QRFPR: variants seen among roughly 807,000 people sequenced by gnomAD.
The protein encoded by QRFPR is pyroglutamylated RF-amide peptide receptor.
QRFPR carries 37 observed loss-of-function variants against 31.3 expected under a neutral mutation model. That is an observed-to-expected ratio of 1.18 (90% CI 0.91 to 1.56). The LOEUF (loss-of-function observed/expected upper bound fraction) is 1.56, where lower values mean the gene tolerates loss of function less well. QRFPR is among the 40% of genes most tolerant of loss of function. The pLI is 0.00. For missense variants in QRFPR, 542 were observed against 532.5 expected (o/e 1.02, Z -0.18); for synonymous variants, 197 against 192.0 (o/e 1.03, Z -0.22).
chr4:121,330,576 C>T (rs1725303532), intron 4 of QRFPR, 53 bp from the exon 5 acceptor site: 5 of 1,321,776 alleles, frequency 3.8e-6, no homozygotes, highest in Non-Finnish European at 5.5e-6. Flanking sequence ...GCAAATGTGC[C>T]AGCTTGATAG....
chr4:121,358,087 C>G (rs1199200392), intron 1 of QRFPR, among the ~76,000 whole-genome samples: 1 of 152,046 alleles, frequency 6.6e-6, no homozygotes, highest in Non-Finnish European at 1.5e-5. Flanking sequence ...GTATTCAAAG[C>G]AATTCTTTTT....
intron 1 of QRFPR, chr4:121,369,754 T>A: frequency 6.2e-7 from 1 of 1,601,556 alleles, no homozygotes; most frequent in Non-Finnish European, 8.5e-7. Flanking sequence ...CAGGTAAGGC[T>A]GTGGAAGAAC....
intron 1 of QRFPR, among the ~76,000 whole-genome samples, chr4:121,353,988 T>G (rs890294097): frequency 6.6e-6 from 1 of 152,146 alleles, no homozygotes; most frequent in Non-Finnish European, 1.5e-5. Context: ...GTATATGTTC[T>G]TGGTACCTTT....
At chr4:121,336,906 T>A (rs770754157) in intron 2 of QRFPR, 38 bp from the exon 3 acceptor site, 1 of 1,549,540 alleles carries the variant, frequency 6.5e-7, no homozygotes, top group East Asian at 2.2e-5. Flanking sequence ...ATGACTCAGT[T>A]GAGTAAAACA....
At position 121,329,043 on chromosome 4, in the gene QRFPR, C is replaced by T. The variant is rs138655937; in HGVS notation, c.*271G>A. 34 of 275,774 alleles carry T rather than the reference C, an allele frequency of 1.2e-4. No homozygotes were observed. The highest frequency in any genetic ancestry group is 1.8e-4 in the Non-Finnish European group (27 of 149,154). The allele number at this position is 275,774 out of a possible 1,614,324, so 17.1% of individuals were successfully genotyped here. ...TGCTGGGATTACAGGCATGAGCCAC[C>T]GTGCCTGGCCTTCCATGTTGCTTTT... On this transcript the variant is annotated 3_prime_UTR_variant, in exon 6 of 6. Transcript: ENST00000394427.
At chr4:121,356,890 G>A (rs1725880526) in intron 1 of QRFPR, among the ~76,000 whole-genome samples, 1 of 152,050 alleles carries the variant, frequency 6.6e-6, no homozygotes, top group South Asian at 2.1e-4. Flanking sequence ...CAGGGTCTCT[G>A]AATCCTACTG....
Position 121,333,158 on chromosome 4 carries a change from A to T in QRFPR, c.562-102T>A. The T allele has an allele frequency of 4.2e-6, 3 of 722,100 alleles. No individual in the cohort carries two copies. The South Asian group carries it at 5.8e-5, about 14-fold the overall frequency. 44.7% of individuals were successfully genotyped at this position (722,100 alleles called of 1,614,324 possible). On this transcript the variant is annotated intron_variant, in intron 3 of 5. Transcript: ENST00000394427. ...ACACAACATTTTTTAAGTTCTTTCA[A>T]ATTTGTCCCCAGCACGTATTTCAAA...
rs184861111 is a variant in QRFPR, at chr4:121,340,483, T to C, written c.468A>G (p.Gln156=). The change falls in exon 2 of 6, where the codon CAA becomes CAG. Residue 156 remains glutamine, a synonymous_variant. Coordinates refer to ENST00000394427, the MANE Select transcript of QRFPR (RefSeq NM_198179.3). Reference sequence around the variant, plus strand: ...TTGTGAAAGCCCTTCGGTTGGTGTATTGCCACTTCATTTTAAAAGGATGCA... The same window carrying C: ...TTGTGAAAGCCCTTCGGTTGGTGTACTGCCACTTCATTTTAAAAGGATGCA... The part of the protein sequence containing the change: ...GLVHPFKMKW[Q]YTNRRAFTML... The C allele has an allele frequency of 4.8e-4, 772 of 1,614,090 alleles. 4 individuals carry two copies. The highest frequency in any genetic ancestry group is 4.0e-3 in the Middle Eastern group (24 of 6,062).
chr4:121,335,923 G>T (rs1725426165), intron 3 of QRFPR, among the ~76,000 whole-genome samples: 1 of 151,900 alleles, frequency 6.6e-6, no homozygotes, highest in Non-Finnish European at 1.5e-5. Flanking sequence ...GGTAGCAAGG[G>T]ATAAAATAAA....
rs368412568 is a variant in QRFPR, at chr4:121,380,611, G to A, written c.37C>T (p.Arg13Trp). 4.3e-5 allele frequency: 68 copies of A among 1,599,544 alleles called. 1 individual carries two copies. The Middle Eastern group carries it at 1.6e-3, about 37-fold the overall frequency. Residue 13 changes from arginine (R) to tryptophan (W), a missense_variant, in exon 1 of 6, where the codon CGG becomes TGG. Coordinates refer to ENST00000394427, the MANE Select transcript of QRFPR (RefSeq NM_198179.3). ...ALNITPEQFS[R>W]LLRDHNLTRE... The stretch of plus-strand genomic sequence containing the variant: ...GTCAGGTTGTGGTCCCGCAGCAGCC[G>A]AGAGAACTGCTCCGGGGTAATGTTA...
chr4:121,336,997 C>A, intron 2 of QRFPR, 129 bp from the exon 3 acceptor site: 1 of 795,762 alleles, frequency 1.3e-6, no homozygotes. Context: ...GCCATGGTCT[C>A]CCCCAAGTTT....
intron 2 of QRFPR, 71 bp from the exon 3 acceptor site, chr4:121,336,939 C>T: frequency 7.5e-7 from 1 of 1,338,410 alleles, no homozygotes; most frequent in Admixed American, 1.7e-5. Context: ...ATTATCTAAC[C>T]CTCAAGATTC....
intron 1 of QRFPR, among the ~76,000 whole-genome samples, chr4:121,353,682 C>T (rs578121430): frequency 8.2e-4 from 125 of 151,908 alleles, no homozygotes; most frequent in African/African-American, 2.6e-3. Flanking sequence ...CTTTGTTGAC[C>T]GTTTCCTTTG....
intron 1 of QRFPR, among the ~76,000 whole-genome samples, chr4:121,368,629 T>C (rs1726171487): frequency 6.7e-6 from 1 of 150,012 alleles, no homozygotes. Flanking sequence ...GTTTTACCTA[T>C]ACCCAGGTCC....
At chr4:121,349,858 G>T (rs113034171) in intron 1 of QRFPR, among the ~76,000 whole-genome samples, 123 of 152,180 alleles carry the variant, frequency 8.1e-4, no homozygotes, top group African/African-American at 2.9e-3. Context: ...TTCATGGTAC[G>T]TCATAAATAT....
intron 2 of QRFPR, among the ~76,000 whole-genome samples, chr4:121,339,051 T>A (rs563735486): frequency 3.3e-5 from 5 of 152,320 alleles, no homozygotes; most frequent in Middle Eastern, 3.4e-3. Context: ...TAACTAAAAC[T>A]AACACCTTTC....
intron 4 of QRFPR, among the ~76,000 whole-genome samples, chr4:121,332,203 A>G (rs1340976942): frequency 6.6e-6 from 1 of 152,268 alleles, no homozygotes; most frequent in East Asian, 1.9e-4. Flanking sequence ...CATTCAGTGT[A>G]GGTTATTAAA....
intron 1 of QRFPR, among the ~76,000 whole-genome samples, chr4:121,345,857 G>T (rs991464605): frequency 6.6e-6 from 1 of 152,128 alleles, no homozygotes; most frequent in East Asian, 1.9e-4. Flanking sequence ...TTCTAAACAT[G>T]ATGCTTGAAA....
chr4:121,340,806 T>G (rs1725529358), intron 1 of QRFPR, among the ~76,000 whole-genome samples, 196 bp from the exon 2 acceptor site: 1 of 152,198 alleles, frequency 6.6e-6, no homozygotes. Context: ...GAACTTTATG[T>G]TCCTAAATGC....
Sources: allele counts gnomAD v4.1 joint callset (sites outside exome capture counted in the v4.1 genomes callset), GRCh38; gene constraint gnomAD v4.1.1; transcripts MANE v1.5; gene names NCBI Gene and HGNC (gene_info 2026-07-23, HGNC 2026-07-21).